UBE3A: variants seen among roughly 807,000 people sequenced by gnomAD.
UBE3A encodes ubiquitin protein ligase E3A.
UBE3A carries 6 observed loss-of-function variants against 83.4 expected under a neutral mutation model. The ratio of observed to expected loss-of-function variants is 0.07; its 90% CI spans 0.04 to 0.14. The LOEUF (loss-of-function observed/expected upper bound fraction) is 0.14, where lower values mean the gene tolerates loss of function less well. Among genes scored for constraint, UBE3A ranks in the 10% least tolerant of loss-of-function variants. The pLI is 1.00. For synonymous variants in UBE3A, 337 were observed against 355.4 expected (o/e 0.95, Z 0.58); for missense variants, 456 against 1,036.1 (o/e 0.44, Z 7.69).
intron 3 of UBE3A, chr15:25,407,126 C>T: frequency 7.4e-7 from 1 of 1,350,532 alleles, no homozygotes; most frequent in Non-Finnish European, 9.8e-7. Context: ...TTGTATCTCC[C>T]AGACAGAAGA....
rs1303052197 is a variant in UBE3A at position 25,360,417 on chromosome 15, C to T, written c.1719G>A (p.Gln573=). ...GATTGAAGATTTCCTCCACAACCAG[C>T]TGAAAAAATTCTTTGGAAACACCTC... is the stretch of plus-strand genomic sequence containing the variant. The part of the protein sequence containing the change: ...DEGGVSKEFF[Q]LVVEEIFNPD... The change falls in exon 7 of 13, where the codon CAG becomes CAA. Residue 573 remains glutamine, a synonymous_variant. Coordinates refer to ENST00000648336, the MANE Select transcript of UBE3A (RefSeq NM_130839.5). The T allele has an allele frequency of 1.9e-6, 3 of 1,613,836 alleles. No homozygotes were observed. Among genetic ancestry groups the T allele is most frequent in the Non-Finnish European group, 2.5e-6 (3 of 1,179,904 alleles).
chr15:25,408,718 T>A (rs2089289791), intron 3 of UBE3A: 8 of 1,522,922 alleles, frequency 5.3e-6, no homozygotes, highest in African/African-American at 1.4e-5. Flanking sequence ...TTTATTAATG[T>A]TATAAAAACT....
At chr15:25,364,219 A>C (rs1329856471) in intron 6 of UBE3A, among the ~76,000 whole-genome samples, 2 of 152,048 alleles carry the variant, frequency 1.3e-5, no homozygotes, top group African/African-American at 2.4e-5. Flanking sequence ...AAAAATTAAA[A>C]TAAATAAAAT....
rs1441843913 is a variant in UBE3A, at chr15:25,370,478, AT to A, written c.1608+87del. 4 of 1,498,448 alleles carry A rather than the reference AT, an allele frequency of 2.7e-6. No homozygotes were observed. The highest frequency in any genetic ancestry group is 2.3e-5 in the East Asian group (1 of 44,294). 92.8% of individuals were successfully genotyped at this position (1,498,448 alleles called of 1,614,324 possible). A position where few individuals can be genotyped will look rare whatever the true frequency, so the allele number is the denominator to read the frequency against. On this transcript the variant is annotated intron_variant, in intron 6 of 12. Transcript: ENST00000648336. The surrounding 1 kb of genome is among the most constrained non-coding windows in gnomAD (Gnocchi z 4.2). Reference sequence around the variant, plus strand: ...ATGTGTTCCTATGCTATATGGTATCATTTTTTTCAGTCACTTTTAAAATGAA... The same window carrying A: ...ATGTGTTCCTATGCTATATGGTATCATTTTTTCAGTCACTTTTAAAATGAA...
intron 5 of UBE3A, among the ~76,000 whole-genome samples, chr15:25,372,450 CAT>C (rs1002661103): frequency 6.6e-6 from 1 of 152,124 alleles, no homozygotes; most frequent in Admixed American, 6.6e-5. Flanking sequence ...GACTAAATCT[CAT>C]AGAGTGACAG....
intron 1 of UBE3A, among the ~76,000 whole-genome samples, chr15:25,436,980 A>G (rs193001388): frequency 3.2e-4 from 49 of 152,278 alleles, no homozygotes; most frequent in African/African-American, 9.1e-4. Context: ...TAATTTTGTA[A>G]AGATTATAAG....
At chr15:25,354,094 G>C in intron 11 of UBE3A, 1 of 538,742 alleles carries the variant, frequency 1.9e-6, no homozygotes, top group Non-Finnish European at 3.3e-6. Flanking sequence ...ACTCTAACCA[G>C]TGAGGAATAC....
rs2089349077 is a variant in UBE3A at position 25,408,962 on chromosome 15, G to C, written c.20+126C>G. On this transcript the variant is annotated intron_variant, in intron 3 of 12. Transcript: ENST00000648336. ...TATTTTAAGGAGATTAAATGAAGTA[G>C]GTCAACTCTCAGGCCCACTATTCTT... 2.1e-5 allele frequency: 21 copies of C among 985,684 alleles called. 1 individual carries two copies. The South Asian group carries it at 3.5e-4, about 17-fold the overall frequency. The allele number at this position is 985,684 out of a possible 1,614,324, so 61.1% of individuals were successfully genotyped here. A position where few individuals can be genotyped will look rare whatever the true frequency, so the allele number is the denominator to read the frequency against.
intron 6 of UBE3A, among the ~76,000 whole-genome samples, chr15:25,367,119 A>C (rs1447795585): frequency 1.3e-5 from 2 of 151,364 alleles, no homozygotes; most frequent in Non-Finnish European, 2.9e-5. Flanking sequence ...GCTTCATCTA[A>C]GAAAAATGAG....
At chr15:25,369,883 G>A (rs118046719) in intron 6 of UBE3A, among the ~76,000 whole-genome samples, 3,745 of 152,226 alleles carry the variant, frequency 0.025, 71 homozygotes, top group Non-Finnish European at 0.037. Flanking sequence ...GTATTTCCCT[G>A]CTCAATCTCC....
At position 25,334,576 on chromosome 15, in the gene UBE3A, G is replaced by T. The variant is rs1208918637; in HGVS notation, c.*4561C>A. On this transcript the variant is annotated 3_prime_UTR_variant, in exon 13 of 13. Transcript: ENST00000648336. ...TATAAAAATTCATATGCAATGCAAGGGACCCAAAACAGACAAAATGATTTT... is the reference window on the plus strand; with the variant it reads ...TATAAAAATTCATATGCAATGCAAGTGACCCAAAACAGACAAAATGATTTT... 1.3e-5 allele frequency: 2 copies of T among 148,812 alleles called. No individual in the cohort carries two copies. Among genetic ancestry groups the T allele is most frequent in the Non-Finnish European group, 3.0e-5 (2 of 67,664 alleles). The allele number at this position is 148,812 out of a possible 1,614,324, so 9.2% of individuals were successfully genotyped here.
rs2152646044 is a variant in UBE3A, at chr15:25,351,569, AAGCGATTCTCCTGCCTC to A, written c.2354+2767_2354+2783del. On this transcript the variant is annotated intron_variant, in intron 11 of 12. Transcript: ENST00000648336. ...ACTGCAACCTCCGCCTCCCAGGTTC[AAGCGATTCTCCTGCCTC>A]AGCCTCCCGAGGAGCTGGGATTACA... Among the ~76,000 whole-genome samples the A allele has an allele frequency of 2.6e-5, 4 of 152,292 alleles. No homozygotes were observed. The South Asian group carries it at 8.3e-4, about 32-fold the overall frequency.
At chr15:25,408,730 C>G in intron 3 of UBE3A, 1 of 1,475,738 alleles carries the variant, frequency 6.8e-7, no homozygotes, top group Non-Finnish European at 9.2e-7. Context: ...ATAAAAACTT[C>G]TAGAGAAATG....
At position 25,379,641 on chromosome 15, in the gene UBE3A, T is replaced by C. The variant is rs544638208; in HGVS notation, c.63-3878A>G. ...GGATATGTAAAAGGCATACAAAATT[T>C]AGAGCACATAAAAGGGCCTCTACGT... is the stretch of plus-strand genomic sequence containing the variant. On this transcript the variant is annotated intron_variant, in intron 4 of 12. Coordinates refer to ENST00000648336, the MANE Select transcript of UBE3A (RefSeq NM_130839.5). Among the ~76,000 whole-genome samples the C allele has an allele frequency of 2.0e-5, 3 of 152,302 alleles. No individual in the cohort carries two copies. In the East Asian group the frequency reaches 5.8e-4, roughly 29 times the overall value.
At chr15:25,374,042 C>T (rs1007212691) in intron 5 of UBE3A, 14 of 152,194 alleles carry the variant, frequency 9.2e-5, no homozygotes, top group Admixed American at 8.5e-4. Flanking sequence ...TTAGTGTTAA[C>T]AAACATAATT....
chr15:25,354,158 C>T, intron 11 of UBE3A, 195 bp downstream of exon 11: 1 of 626,080 alleles, frequency 1.6e-6, no homozygotes, highest in Non-Finnish European at 2.8e-6. Context: ...TATATAACAA[C>T]ACTTCATTCA....
intron 4 of UBE3A, among the ~76,000 whole-genome samples, chr15:25,377,722 T>A (rs1208669255): frequency 1.3e-5 from 2 of 152,060 alleles, no homozygotes; most frequent in Non-Finnish European, 2.9e-5. Flanking sequence ...TTGTGGAAAA[T>A]AATTTGACAA....
At chr15:25,366,947 A>G (rs888380014) in intron 6 of UBE3A, among the ~76,000 whole-genome samples, 1 of 151,644 alleles carries the variant, frequency 6.6e-6, no homozygotes, top group Non-Finnish European at 1.5e-5. Flanking sequence ...GATTTTATTT[A>G]TTTATTTATT....
intron 6 of UBE3A, among the ~76,000 whole-genome samples, chr15:25,364,920 A>G (rs2078834430): frequency 6.6e-6 from 1 of 152,068 alleles, no homozygotes; most frequent in African/African-American, 2.4e-5. Context: ...TGCTGGGATT[A>G]CAGGTGTGAG....
Sources: gnomAD v4.1 joint callset for allele counts (sites outside exome capture counted in the v4.1 genomes callset) on GRCh38, gnomAD v4.1.1 for gene constraint, Gnocchi (gnomAD v3.1) non-coding constraint, MANE v1.5 for transcripts, NCBI Gene and HGNC (gene_info 2026-07-23, HGNC 2026-07-21) for gene names.